ANKS1B: variants seen among roughly 807,000 people sequenced by gnomAD.
ANKS1B encodes ankyrin repeat and sterile alpha motif domain containing 1B.
ANKS1B carries 36 observed loss-of-function variants against 148.3 expected under a neutral mutation model. That is an observed-to-expected ratio of 0.24 (90% confidence interval 0.19 to 0.32). ANKS1B has a LOEUF of 0.32. Among genes scored for constraint, ANKS1B ranks in the 10% least tolerant of loss-of-function variants. The pLI, the probability that ANKS1B is intolerant of heterozygous loss-of-function variation, is 1.00. For missense variants in ANKS1B, 1,157 were observed against 1,542.6 expected, an observed-to-expected ratio of 0.75 and a Z score of 4.19; for synonymous variants, 542 against 560.8, an observed-to-expected ratio of 0.97 and a Z score of 0.47.
At chr12:99,153,492 A>G (rs574352157) in intron 15 of ANKS1B, among the ~76,000 whole-genome samples, 184 of 152,148 alleles carry the variant, frequency 1.2e-3, no homozygotes, top group South Asian at 3.3e-3. Flanking sequence ...GCACTGGGGG[A>G]GGTATGGGAA....
At chr12:99,052,462 T>C (rs371619999) in intron 17 of ANKS1B, among the ~76,000 whole-genome samples, 2 of 147,868 alleles carry the variant, frequency 1.4e-5, no homozygotes, top group East Asian at 2.4e-4. Context: ...GCGCGGTGGC[T>C]CACGCCTGTA....
chr12:99,093,288 T>C (rs1159861722), intron 15 of ANKS1B: 1 of 152,194 alleles, frequency 6.6e-6, no homozygotes, highest in African/African-American at 2.4e-5. Flanking sequence ...GAACCAAACA[T>C]GTTAATCAAA....
At chr12:99,922,432 T>C (rs968513515) in intron 1 of ANKS1B, among the ~76,000 whole-genome samples, 2 of 152,130 alleles carry the variant, frequency 1.3e-5, no homozygotes, top group Non-Finnish European at 2.9e-5. Context: ...AAAAAAAACA[T>C]TTCAGGAAAA....
At chr12:98,754,379 C>G (rs1367516927) in intron 25 of ANKS1B, among the ~76,000 whole-genome samples, 1 of 152,204 alleles carries the variant, frequency 6.6e-6, no homozygotes, top group Admixed American at 6.5e-5. Context: ...AGCTTTGCCT[C>G]TTAGTGTTTG....
At chr12:99,092,847 C>T (rs1240193374) in intron 15 of ANKS1B, among the ~76,000 whole-genome samples, 4 of 152,244 alleles carry the variant, frequency 2.6e-5, no homozygotes, top group Middle Eastern at 3.4e-3. Flanking sequence ...GGTACTTCAC[C>T]CACCTTATTT....
At chr12:99,063,716 AG>A (rs2043177242) in intron 16 of ANKS1B, among the ~76,000 whole-genome samples, 1 of 152,210 alleles carries the variant, frequency 6.6e-6, no homozygotes, top group Non-Finnish European at 1.5e-5. Context: ...AAAGTGTTTT[AG>A]GTGATCTTTA....
chr12:99,289,609 C>G (rs1158964724), intron 12 of ANKS1B, among the ~76,000 whole-genome samples: 1 of 151,764 alleles, frequency 6.6e-6, no homozygotes, highest in Non-Finnish European at 1.5e-5. Flanking sequence ...AAATCAATAA[C>G]AAGAAGAATG....
At chr12:99,013,790 T>C (rs1430392969) in intron 17 of ANKS1B, among the ~76,000 whole-genome samples, 1 of 151,778 alleles carries the variant, frequency 6.6e-6, no homozygotes, top group Non-Finnish European at 1.5e-5. Flanking sequence ...TACCTAGGAA[T>C]ACAGCTATGT....
chr12:98,847,767 C>T (rs537651181), intron 17 of ANKS1B, among the ~76,000 whole-genome samples: 9 of 152,052 alleles, frequency 5.9e-5, no homozygotes, highest in South Asian at 2.1e-4. Context: ...GGCTAATTTT[C>T]GTATTTTTAG....
At chr12:99,359,663 C>T (rs560757399) in intron 12 of ANKS1B, among the ~76,000 whole-genome samples, 7 of 152,178 alleles carry the variant, frequency 4.6e-5, no homozygotes, top group Admixed American at 3.9e-4. Flanking sequence ...CCACTCACCT[C>T]GTGTAACGGG....
intron 17 of ANKS1B, among the ~76,000 whole-genome samples, chr12:98,870,407 G>A (rs774378147): frequency 9.2e-5 from 14 of 152,226 alleles, no homozygotes; most frequent in Non-Finnish European, 2.1e-4. Context: ...TGCCAGATAG[G>A]CAGAAATCAA....
At chr12:99,565,217 G>A (rs568044865) in intron 9 of ANKS1B, among the ~76,000 whole-genome samples, 6 of 152,192 alleles carry the variant, frequency 3.9e-5, no homozygotes, top group Non-Finnish European at 8.8e-5. Flanking sequence ...CTATGTGCAA[G>A]AAATAGAGGA....
intron 14 of ANKS1B, among the ~76,000 whole-genome samples, chr12:99,203,989 C>T (rs981886591): frequency 2.0e-5 from 3 of 152,178 alleles, no homozygotes; most frequent in Non-Finnish European, 4.4e-5. Flanking sequence ...AATCTGATGT[C>T]ACCCCAAATC....
chr12:99,233,887 C>G (rs970944405), intron 14 of ANKS1B, among the ~76,000 whole-genome samples: 3 of 152,042 alleles, frequency 2.0e-5, no homozygotes, highest in African/African-American at 7.2e-5. Flanking sequence ...CAAATCTTTT[C>G]CTGATCCAAT....
intron 8 of ANKS1B, among the ~76,000 whole-genome samples, chr12:99,676,817 A>T (rs2098575908): frequency 6.6e-6 from 1 of 152,218 alleles, no homozygotes; most frequent in Non-Finnish European, 1.5e-5. Context: ...AGAAAAGTGG[A>T]GTACTTACTG....
chr12:99,076,680 T>C (rs1466496438), intron 16 of ANKS1B, among the ~76,000 whole-genome samples: 1 of 152,172 alleles, frequency 6.6e-6, no homozygotes, highest in African/African-American at 2.4e-5. Flanking sequence ...CTTTCACTAG[T>C]CTGATAAAGT....
At chr12:99,784,431 C>A (rs151332306) in intron 4 of ANKS1B, among the ~76,000 whole-genome samples, 62 of 152,252 alleles carry the variant, frequency 4.1e-4, no homozygotes, top group African/African-American at 1.4e-3. Flanking sequence ...CTTGGCCTCC[C>A]AAAGTGCTGG....
rs1288159290 is a variant in ANKS1B at position 98,829,651 on chromosome 12, C to T, written c.2887-298G>A. On this transcript the variant is annotated intron_variant, in intron 18 of 26. Coordinates refer to ENST00000683438, the MANE Select transcript of ANKS1B (RefSeq NM_001352186.2). The surrounding 1 kb of genome is among the most constrained non-coding windows in gnomAD (Gnocchi z 5.2). ...CCTATGTTGGGCACCTCTGACACTA[C>T]TGCATGTGTTTACAGGGGAGGAACT... Among the ~76,000 whole-genome samples, 1 of 152,212 alleles carries T rather than the reference C, an allele frequency of 6.6e-6. No homozygotes were observed. Among genetic ancestry groups the T allele is most frequent in the East Asian group, 1.9e-4 (1 of 5,200 alleles).
At chr12:99,426,959 AT>A (rs1475195135) in intron 11 of ANKS1B, among the ~76,000 whole-genome samples, 6 of 152,198 alleles carry the variant, frequency 3.9e-5, no homozygotes, top group South Asian at 2.1e-4. Flanking sequence ...AAATCTGGAC[AT>A]GCTTGATTCG....
Sources: allele counts gnomAD v4.1 joint callset (sites outside exome capture counted in the v4.1 genomes callset), GRCh38; gene constraint gnomAD v4.1.1; non-coding constraint Gnocchi (gnomAD v3.1); transcripts MANE v1.5; gene names NCBI Gene and HGNC (gene_info 2026-07-23, HGNC 2026-07-21).